PCDH15: variants seen among roughly 807,000 people sequenced by gnomAD.
The protein encoded by PCDH15 is protocadherin related 15.
In PCDH15, 129 loss-of-function variants were observed where a neutral mutation model predicts 178.5. The ratio of observed to expected loss-of-function variants is 0.72; its 90% CI spans 0.63 to 0.84. The LOEUF (loss-of-function observed/expected upper bound fraction) is 0.84, where lower values mean the gene tolerates loss of function less well. PCDH15 is among the 40% of genes least tolerant of loss of function. The pLI is 0.00. For missense variants in PCDH15, 2,230 were observed against 2,099.9 expected (o/e 1.06, Z -1.21); for synonymous variants, 800 against 732.0 (o/e 1.09, Z -1.50).
At chr10:54,186,986 G>C (rs556086732) in intron 11 of PCDH15, among the ~76,000 whole-genome samples, 1 of 152,034 alleles carries the variant, frequency 6.6e-6, no homozygotes, top group Admixed American at 6.6e-5. Flanking sequence ...TGCAGTTTCA[G>C]TCAAAGAAAC....
At chr10:54,421,895 CTAT>C (rs1565231998) in intron 3 of PCDH15, among the ~76,000 whole-genome samples, 19 of 61,588 alleles carry the variant, frequency 3.1e-4, no homozygotes, top group African/African-American at 1.5e-3. Flanking sequence ...CACACACACA[CTAT>C]ATATATATAT....
intron 2 of PCDH15, among the ~76,000 whole-genome samples, chr10:54,553,065 C>T (rs1315260556): frequency 6.6e-6 from 1 of 152,118 alleles, no homozygotes; most frequent in Non-Finnish European, 1.5e-5. Flanking sequence ...CAACTTGAGA[C>T]CAGACTCCAA....
At chr10:55,248,032 AT>A (rs1291423559) in intron 1 of PCDH15, 3 of 107,914 alleles carry the variant, frequency 2.8e-5, no homozygotes, top group Non-Finnish European at 5.9e-5. Context: ...GTTTATTTCT[AT>A]TTTTATATAC....
intron 1 of PCDH15, among the ~76,000 whole-genome samples, chr10:55,174,610 G>A (rs992211019): frequency 7.9e-5 from 12 of 152,154 alleles, no homozygotes; most frequent in Admixed American, 7.9e-4. Flanking sequence ...CCTCCTAGTG[G>A]TCATCTCAGG....
chr10:54,476,976 T>C (rs183102237), intron 3 of PCDH15, among the ~76,000 whole-genome samples: 92 of 152,264 alleles, frequency 6.0e-4, no homozygotes, highest in African/African-American at 2.1e-3. Context: ...TAATTTCTGT[T>C]CCAACTTCCT....
intron 4 of PCDH15, among the ~76,000 whole-genome samples, chr10:54,370,203 A>G (rs1177559504): frequency 6.6e-6 from 1 of 151,936 alleles, no homozygotes; most frequent in African/African-American, 2.4e-5. Flanking sequence ...AGTATTGACC[A>G]CTACAAAGTA....
intron 1 of PCDH15, among the ~76,000 whole-genome samples, chr10:54,679,061 G>A (rs1331449978): frequency 2.0e-5 from 3 of 151,426 alleles, no homozygotes; most frequent in Non-Finnish European, 4.4e-5. Flanking sequence ...GTGTTGGCGG[G>A]CGCCTGTAGT....
chr10:55,444,954 A>C (rs2132074221), intron 2 of PCDH15, among the ~76,000 whole-genome samples: 1 of 152,254 alleles, frequency 6.6e-6, no homozygotes, highest in African/African-American at 2.4e-5. Context: ...AAGATGATGA[A>C]TATATTTAAT....
At chr10:54,858,798 G>A (rs866175545) in intron 3 of PCDH15, among the ~76,000 whole-genome samples, 4 of 151,780 alleles carry the variant, frequency 2.6e-5, no homozygotes, top group African/African-American at 7.3e-5. Flanking sequence ...AATGGGTAAC[G>A]TCTGTGTGGT....
intron 3 of PCDH15, among the ~76,000 whole-genome samples, chr10:54,477,375 A>G (rs1265548204): frequency 6.6e-6 from 1 of 152,096 alleles, no homozygotes; most frequent in Non-Finnish European, 1.5e-5. Context: ...TTGGTTGGGC[A>G]TCCCTATTAG....
intron 2 of PCDH15, among the ~76,000 whole-genome samples, chr10:55,521,371 TTTAA>T (rs146413622): frequency 0.034 from 5,191 of 152,094 alleles, 137 homozygotes; most frequent in Non-Finnish European, 0.054. Flanking sequence ...CAGAAATGCA[TTTAA>T]TACTGGCAGC....
intron 1 of PCDH15, among the ~76,000 whole-genome samples, chr10:55,192,496 T>A (rs1414370310): frequency 6.6e-6 from 1 of 151,862 alleles, no homozygotes; most frequent in Admixed American, 6.6e-5. Context: ...GTCACTTCTT[T>A]TTTTTTAATA....
intron 20 of PCDH15, among the ~76,000 whole-genome samples, chr10:53,998,645 A>T (rs1247050735): frequency 6.6e-6 from 1 of 152,172 alleles, no homozygotes; most frequent in Non-Finnish European, 1.5e-5. Flanking sequence ...TAAAGAGAAA[A>T]AGATGATAAA....
chr10:54,068,391 T>C (rs951016389), intron 17 of PCDH15, among the ~76,000 whole-genome samples: 1 of 152,168 alleles, frequency 6.6e-6, no homozygotes, highest in Non-Finnish European at 1.5e-5. Flanking sequence ...AAATAAAATT[T>C]TTATTTAAAG....
intron 1 of PCDH15, among the ~76,000 whole-genome samples, chr10:55,207,697 C>T (rs1257777050): frequency 6.6e-6 from 1 of 152,058 alleles, no homozygotes; most frequent in Non-Finnish European, 1.5e-5. Flanking sequence ...GGCTGGATGC[C>T]ATGGCTTACG....
rs138871423 is a variant in PCDH15 at position 54,122,224 on chromosome 10, A to G, written c.1917+10651T>C. ...CATCATATTTCAACATATACAAATC[A>G]GTAAATGTGATCCGATCACATGAAC... On this transcript the variant is annotated intron_variant, in intron 15 of 37. Transcript: ENST00000644397. Among the ~76,000 whole-genome samples, 8 of 152,234 alleles carry G rather than the reference A, an allele frequency of 5.3e-5. 1 individual carries two copies. The East Asian group carries it at 1.5e-3, about 29-fold the overall frequency.
intron 21 of PCDH15, among the ~76,000 whole-genome samples, chr10:53,980,152 A>G (rs2610892): frequency 0.23 from 34,779 of 151,090 alleles, 4,528 homozygotes; most frequent in Admixed American, 0.3. Context: ...ACTCTGGGGC[A>G]GGAGGTTGCA....
intron 2 of PCDH15, among the ~76,000 whole-genome samples, chr10:54,602,917 C>A (rs2092601569): frequency 2.0e-5 from 3 of 151,858 alleles, no homozygotes; most frequent in Non-Finnish European, 4.4e-5. Context: ...GGTTACTGGC[C>A]TGTAGTTTAC....
chr10:55,152,378 T>C (rs1838752738), intron 2 of PCDH15, among the ~76,000 whole-genome samples: 1 of 152,292 alleles, frequency 6.6e-6, no homozygotes, highest in East Asian at 1.9e-4. Flanking sequence ...GGATTTTTTC[T>C]AGTTTTGAAA....
Sources: allele counts gnomAD v4.1 joint callset (sites outside exome capture counted in the v4.1 genomes callset), GRCh38; gene constraint gnomAD v4.1.1; transcripts MANE v1.5; gene names NCBI Gene and HGNC (gene_info 2026-07-23, HGNC 2026-07-21).